CTNND2: variants seen among roughly 807,000 people sequenced by gnomAD.
CTNND2 encodes the protein catenin delta-2.
A neutral mutation model predicts 144.4 loss-of-function variants in CTNND2; 22 were observed. That is an observed-to-expected ratio of 0.15 (90% CI 0.11 to 0.22). The LOEUF (loss-of-function observed/expected upper bound fraction) is 0.22. Among genes scored for constraint, CTNND2 ranks in the 10% least tolerant of loss-of-function variants. The probability of loss-of-function intolerance (pLI) is 1.00; values close to 1 mark genes in which losing one functional copy is unlikely to be tolerated. For synonymous variants in CTNND2, 751 were observed against 695.6 expected, an observed-to-expected ratio of 1.08 and a Z score of -1.25; for missense variants, 1,353 against 1,618.8, an observed-to-expected ratio of 0.84 and a Z score of 2.82.
At chr5:11,677,229 T>G (rs990774295) in intron 2 of CTNND2, among the ~76,000 whole-genome samples, 1 of 152,232 alleles carries the variant, frequency 6.6e-6, no homozygotes, top group Non-Finnish European at 1.5e-5. Context: ...AGTTGCCAAC[T>G]GATAAGATCA....
At chr5:11,798,473 A>G (rs1488180101) in intron 1 of CTNND2, among the ~76,000 whole-genome samples, 1 of 152,096 alleles carries the variant, frequency 6.6e-6, no homozygotes, top group Non-Finnish European at 1.5e-5. Context: ...ATTTTCTACA[A>G]AAACAGAGGA....
chr5:11,032,451 A>AT, intron 16 of CTNND2, among the ~76,000 whole-genome samples: 1 of 152,188 alleles, frequency 6.6e-6, no homozygotes, highest in Non-Finnish European at 1.5e-5. Flanking sequence ...AAAGGGGAAA[A>AT]ATATATGCAA....
intron 9 of CTNND2, among the ~76,000 whole-genome samples, chr5:11,335,991 C>T (rs1469242460): frequency 6.6e-6 from 1 of 152,046 alleles, no homozygotes; most frequent in East Asian, 1.9e-4. Context: ...CACAACCAAT[C>T]AGAGGCTGAA....
At chr5:11,623,442 T>G (rs190148680) in intron 2 of CTNND2, among the ~76,000 whole-genome samples, 1 of 151,966 alleles carries the variant, frequency 6.6e-6, no homozygotes, top group South Asian at 2.1e-4. Flanking sequence ...TTTGCCGCCG[T>G]GTAAGATGTG....
chr5:11,295,684 C>T (rs1032575863), intron 9 of CTNND2, among the ~76,000 whole-genome samples: 2 of 152,148 alleles, frequency 1.3e-5, no homozygotes, highest in African/African-American at 2.4e-5. Context: ...TGCTGCATAT[C>T]TACAACTATC....
In CTNND2 at chr5:11,660,388, G is replaced by A. The variant is rs190386668; in HGVS notation, c.174+71748C>T. Among the ~76,000 whole-genome samples the A allele has an allele frequency of 7.2e-5, 11 of 152,190 alleles. No homozygotes were observed. The East Asian group carries it at 1.5e-3, about 21-fold the overall frequency. On this transcript the variant is annotated intron_variant, in intron 2 of 21. Coordinates refer to ENST00000304623, the MANE Select transcript of CTNND2 (RefSeq NM_001332.4). ...GAAAGAGAACAATCACCGGACAGAA[G>A]GGATATCTGACTCTGGGAACAATTA...
At chr5:10,983,904 T>A (rs1241370802) in intron 20 of CTNND2, among the ~76,000 whole-genome samples, 1 of 152,204 alleles carries the variant, frequency 6.6e-6, no homozygotes, top group Non-Finnish European at 1.5e-5. Flanking sequence ...TCTCCTCCTG[T>A]TAAAGGAGTC....
intron 9 of CTNND2, among the ~76,000 whole-genome samples, chr5:11,243,948 T>C (rs1742718284): frequency 6.6e-6 from 1 of 152,212 alleles, no homozygotes; most frequent in Admixed American, 6.5e-5. Context: ...AGGGCAGGGC[T>C]GTGTGGACAT....
chr5:11,542,983 G>A (rs759126847), intron 3 of CTNND2, among the ~76,000 whole-genome samples: 50 of 152,278 alleles, frequency 3.3e-4, no homozygotes, highest in Admixed American at 5.9e-4. Context: ...TAAGTGCACT[G>A]GATTGTCTGC....
chr5:11,395,176 A>T (rs1374694087), intron 6 of CTNND2, among the ~76,000 whole-genome samples: 1 of 152,252 alleles, frequency 6.6e-6, no homozygotes, highest in African/African-American at 2.4e-5. Flanking sequence ...GTATAACACT[A>T]AAAGCAGAGT....
At chr5:11,149,858 C>G (rs1329770225) in intron 12 of CTNND2, among the ~76,000 whole-genome samples, 1 of 152,174 alleles carries the variant, frequency 6.6e-6, no homozygotes, top group African/African-American at 2.4e-5. Context: ...AGCATGAAAC[C>G]TGGACAGGGC....
chr5:11,532,841 A>G (rs1773867627), intron 3 of CTNND2, among the ~76,000 whole-genome samples: 1 of 152,228 alleles, frequency 6.6e-6, no homozygotes, highest in Admixed American at 6.5e-5. Context: ...GTGACTTCCT[A>G]TGGCCCCCAG....
intron 3 of CTNND2, among the ~76,000 whole-genome samples, chr5:11,562,376 T>C (rs183618595): frequency 6.6e-6 from 1 of 152,176 alleles, no homozygotes; most frequent in African/African-American, 2.4e-5. Context: ...AATGAAAACT[T>C]GAATTTCTAA....
intron 1 of CTNND2, among the ~76,000 whole-genome samples, chr5:11,767,431 G>A (rs2126817313): frequency 6.6e-6 from 1 of 152,290 alleles, no homozygotes; most frequent in Middle Eastern, 3.4e-3. Context: ...CAGAAATGCA[G>A]AACTCATGCC....
At chr5:11,494,975 T>G (rs1769794270) in intron 3 of CTNND2, among the ~76,000 whole-genome samples, 2 of 152,228 alleles carry the variant, frequency 1.3e-5, no homozygotes, top group South Asian at 4.1e-4. Flanking sequence ...ACCAATGCCA[T>G]TCTCTAGATA....
At chr5:11,447,349 A>C (rs963460617) in intron 3 of CTNND2, among the ~76,000 whole-genome samples, 1 of 152,072 alleles carries the variant, frequency 6.6e-6, no homozygotes, top group Non-Finnish European at 1.5e-5. Context: ...TTACAAAAAA[A>C]AAAAAAGACA....
intron 3 of CTNND2, among the ~76,000 whole-genome samples, chr5:11,538,837 C>G (rs570997078): frequency 3.3e-5 from 5 of 152,094 alleles, no homozygotes; most frequent in Admixed American, 3.3e-4. Flanking sequence ...TTTTTAATGA[C>G]AAAGTTCTCA....
At chr5:11,598,896 A>G (rs928179122) in intron 2 of CTNND2, among the ~76,000 whole-genome samples, 2 of 152,154 alleles carry the variant, frequency 1.3e-5, no homozygotes, top group African/African-American at 4.8e-5. Flanking sequence ...TAAAAAAAAG[A>G]TGATTAATGG....
intron 16 of CTNND2, among the ~76,000 whole-genome samples, chr5:11,038,525 TG>T (rs1390956010): frequency 6.6e-6 from 1 of 152,154 alleles, no homozygotes; most frequent in Admixed American, 6.5e-5. Flanking sequence ...CCACAAAGGT[TG>T]GGGAACGTTG....
Sources: allele counts gnomAD v4.1 joint callset (sites outside exome capture counted in the v4.1 genomes callset), GRCh38; gene constraint gnomAD v4.1.1; transcripts MANE v1.5; gene names NCBI Gene and HGNC (gene_info 2026-07-23, HGNC 2026-07-21).